The following RNF145 variants were observed in gnomAD, a reference collection of about 807,000 sequenced individuals.
The protein encoded by RNF145 is ring finger protein 145.
RNF145 carries 12 observed loss-of-function variants against 57.3 expected under a neutral mutation model. The ratio of observed to expected loss-of-function variants is 0.21; its 90% confidence interval spans 0.13 to 0.34. RNF145 has a LOEUF of 0.34. Ranked by LOEUF, RNF145 falls within the 10% of genes least tolerant of loss-of-function variation. The pLI, the probability that RNF145 is intolerant of heterozygous loss-of-function variation, is 1.00. For synonymous variants in RNF145, 262 were observed against 288.3 expected, an observed-to-expected ratio of 0.91 and a Z score of 0.92; for missense variants, 429 against 799.0, an observed-to-expected ratio of 0.54 and a Z score of 5.58.
chr5:159,188,295 G>A (rs1380178740), intron 3 of RNF145, among the ~76,000 whole-genome samples: 6 of 151,952 alleles, frequency 3.9e-5, no homozygotes, highest in African/African-American at 1.2e-4. Context: ...GCTGAGGCAG[G>A]AGAATGGCGT....
In RNF145 at chr5:159,157,816, A is replaced by G. The variant is rs1784090263; in HGVS notation, c.*854T>C. 1 of 152,788 alleles carries G rather than the reference A, an allele frequency of 6.5e-6. No individual in the cohort carries two copies. Among genetic ancestry groups the G allele is most frequent in the African/African-American group, 2.4e-5 (1 of 41,454 alleles). The allele number at this position is 152,788 out of a possible 1,614,324, so 9.5% of individuals were successfully genotyped here. On this transcript the variant is annotated 3_prime_UTR_variant, in exon 11 of 11. Transcript: ENST00000424310. The stretch of plus-strand genomic sequence containing the variant: ...CAGTTGCAAGAATTAAACATTACAC[A>G]GGATTGAAAAGTACACCCAGGGCCT...
Position 159,158,897 on chromosome 5 carries a change from T to C in RNF145, c.1765A>G (p.Thr589Ala). 2.5e-6 allele frequency: 4 copies of C among 1,613,966 alleles called. No individual in the cohort carries two copies. Among genetic ancestry groups the C allele is most frequent in the Non-Finnish European group, 2.5e-6 (3 of 1,179,872 alleles). ...KNSSQLPGLG[T>A]EPVLQPHAGA... ...GCATGAGGCTGTAGAACTGGCTCAGTTCCTAATCCTGGAAGCTGGGAGGAG... is the reference window on the plus strand; with the variant it reads ...GCATGAGGCTGTAGAACTGGCTCAGCTCCTAATCCTGGAAGCTGGGAGGAG... Residue 589 changes from threonine to alanine, a missense_variant, in exon 11 of 11, where the codon ACT becomes GCT. Physicochemically the swap from Thr to Ala is moderately conservative, Grantham distance 58. Transcript: ENST00000424310.
At position 159,182,021 on chromosome 5, in the gene RNF145, G is replaced by C. The variant is rs763357399; in HGVS notation, c.324C>G (p.Ala108=). Residue 108 remains alanine (A), a synonymous_variant, in exon 4 of 11, where the codon GCC becomes GCG. Coordinates refer to ENST00000424310, the MANE Select transcript of RNF145 (RefSeq NM_001199383.2). ...GTTCTAAATACATTGGTCCCTCATA[G>C]GCAAACTCCAGTTCACTCCGAACAT... The part of the protein sequence containing the change: ...RDYVRSELEF[A]YEGPMYLEPL... The C allele has an allele frequency of 3.7e-6, 6 of 1,608,846 alleles. No homozygotes were observed. In the African/African-American group the frequency reaches 8.0e-5, roughly 22 times the overall value.
chr5:159,202,626 A>G (rs1562077041), intron 2 of RNF145, among the ~76,000 whole-genome samples: 1 of 152,174 alleles, frequency 6.6e-6, no homozygotes, highest in Non-Finnish European at 1.5e-5. Flanking sequence ...TTTATAAAAG[A>G]TATATTTTGT....
Position 159,158,803 on chromosome 5 carries a change from G to A in RNF145, c.1859C>T (p.Thr620Ile), listed in dbSNP as rs557109449. Residue 620 changes from threonine (T) to isoleucine (I), a missense_variant, in exon 11 of 11, where the codon ACC becomes ATC. Physicochemically the swap from Thr to Ile is moderately conservative, Grantham distance 89 (BLOSUM62 -1). This residue lies in a region of RNF145 where 102 missense variants were observed against 106.2 expected (regional missense o/e 0.96). Coordinates refer to ENST00000424310, the MANE Select transcript of RNF145 (RefSeq NM_001199383.2). ...EPPGQEHTPG[T>I]RIQEGSRDNN... ...GTCCCTGGAACCTTCCTGTATCCTGGTCCCTGGAGTATGCTCCTGGCCTGG... is the reference window on the plus strand; with the variant it reads ...GTCCCTGGAACCTTCCTGTATCCTGATCCCTGGAGTATGCTCCTGGCCTGG... 11 of 1,613,882 alleles carry A rather than the reference G, an allele frequency of 6.8e-6. No individual in the cohort carries two copies. In the East Asian group the frequency reaches 2.5e-4, roughly 36 times the overall value.
intron 4 of RNF145, among the ~76,000 whole-genome samples, chr5:159,177,491 C>G (rs1408061016): frequency 6.6e-6 from 1 of 151,970 alleles, no homozygotes; most frequent in Non-Finnish European, 1.5e-5. Flanking sequence ...CTTATAATCC[C>G]ACAACCCAAA....
At chr5:159,180,204 T>C (rs1784844608) in intron 4 of RNF145, among the ~76,000 whole-genome samples, 1 of 152,102 alleles carries the variant, frequency 6.6e-6, no homozygotes. Context: ...CTAAAACTGA[T>C]TTATTTTCCC....
chr5:159,159,088 T>C, intron 10 of RNF145, 53 bp from the exon 11 acceptor site: 1 of 1,521,606 alleles, frequency 6.6e-7, no homozygotes, highest in Non-Finnish European at 8.9e-7. Context: ...CTAGTATCTT[T>C]GGTGCTATCC....
chr5:159,184,485 C>T (rs1223233896), intron 3 of RNF145, among the ~76,000 whole-genome samples: 3 of 152,168 alleles, frequency 2.0e-5, no homozygotes, highest in Non-Finnish European at 4.4e-5. Flanking sequence ...GAGATAAATA[C>T]TTAGTCCTAT....
chr5:159,158,755 C>T lies in RNF145; in HGVS notation c.1907G>A (p.Arg636Gln), dbSNP rs151308498. ...AAAAGCCCCTTCCTGGTTATCTGGT[C>T]GTCTGGCAATGTACTCATTATTGTC... ...SRDNNEYIAR[R>Q]PDNQEGAFDP... The change falls in exon 11 of 11, where the codon CGA becomes CAA. Residue 636 changes from arginine (R) to glutamine (Q), a missense_variant. Coordinates refer to ENST00000424310, the MANE Select transcript of RNF145 (RefSeq NM_001199383.2). 7.6e-5 allele frequency: 122 copies of T among 1,613,924 alleles called. No individual in the cohort carries two copies. The highest frequency in any genetic ancestry group is 6.1e-4 in the South Asian group (56 of 91,060).
At chr5:159,159,470 T>C (rs1035530068) in intron 10 of RNF145, among the ~76,000 whole-genome samples, 2 of 152,242 alleles carry the variant, frequency 1.3e-5, no homozygotes, top group Admixed American at 1.3e-4. Context: ...ATGAAATTAT[T>C]GGCAAAGAGA....
chr5:159,161,891 T>C (rs952067356), intron 9 of RNF145, among the ~76,000 whole-genome samples: 1 of 152,232 alleles, frequency 6.6e-6, no homozygotes, highest in Admixed American at 6.5e-5. Flanking sequence ...AAAATGATTC[T>C]GATGAGTAAT....
At position 159,161,231 on chromosome 5, in the gene RNF145, G is replaced by T; in HGVS notation, c.1626+35C>A. 2.2e-6 allele frequency: 3 copies of T among 1,388,522 alleles called. No homozygotes were observed. The South Asian group carries it at 3.8e-5, about 17-fold the overall frequency. 86.0% of individuals were successfully genotyped at this position (1,388,522 alleles called of 1,614,324 possible). On this transcript the variant is annotated intron_variant, in intron 10 of 10. Coordinates refer to ENST00000424310, the MANE Select transcript of RNF145 (RefSeq NM_001199383.2). Reference sequence around the variant, plus strand: ...TACAGTCCCAAGGGATACACTGTATGACTTACCCAAACACATTCTTATTGA... The same window carrying T: ...TACAGTCCCAAGGGATACACTGTATTACTTACCCAAACACATTCTTATTGA...
intron 2 of RNF145, among the ~76,000 whole-genome samples, chr5:159,196,211 T>C (rs1785454433): frequency 6.7e-6 from 1 of 148,328 alleles, no homozygotes; most frequent in African/African-American, 2.5e-5. Flanking sequence ...ATTCATAAAC[T>C]TTCTTAAAAT....
intron 7 of RNF145, 136 bp from the exon 8 acceptor site, chr5:159,169,191 T>C (rs1196519976): frequency 6.3e-6 from 4 of 630,060 alleles, no homozygotes; most frequent in African/African-American, 1.9e-5. Context: ...ACTAAAAACC[T>C]GATCAGTATA....
chr5:159,179,431 T>C (rs1304090036), intron 4 of RNF145, among the ~76,000 whole-genome samples: 1 of 152,112 alleles, frequency 6.6e-6, no homozygotes, highest in African/African-American at 2.4e-5. Context: ...TAAGAAATCA[T>C]GGCATATTAA....
Position 159,158,527 on chromosome 5 carries a change from G to C in RNF145, c.*143C>G, listed in dbSNP as rs1784112020. The C allele has an allele frequency of 1.7e-5, 18 of 1,066,680 alleles. No individual in the cohort carries two copies. The highest frequency in any genetic ancestry group is 2.1e-5 in the Non-Finnish European group (16 of 745,006). The allele number at this position is 1,066,680 out of a possible 1,614,324, so 66.1% of individuals were successfully genotyped here. A position where few individuals can be genotyped will look rare whatever the true frequency, so the allele number is the denominator to read the frequency against. On this transcript the variant is annotated 3_prime_UTR_variant, in exon 11 of 11. Coordinates refer to ENST00000424310, the MANE Select transcript of RNF145 (RefSeq NM_001199383.2). ...GGGATGAAAGCAGGTGGTCCCCACT[G>C]AGAGTACTTCCTGGATTAGATCCTT...
rs367687089 is a variant in RNF145, at chr5:159,179,996, T to C, written c.385+1964A>G. ...CCTTTATGCTTTAAGATAGAAAACCTGCAAGTGGGAGAGAAGGTGGGGAGG... is the reference window on the plus strand; with the variant it reads ...CCTTTATGCTTTAAGATAGAAAACCCGCAAGTGGGAGAGAAGGTGGGGAGG... On this transcript the variant is annotated intron_variant, in intron 4 of 10. Transcript: ENST00000424310. Among the ~76,000 whole-genome samples, 11 of 152,222 alleles carry C rather than the reference T, an allele frequency of 7.2e-5. No individual in the cohort carries two copies. In the East Asian group the frequency reaches 1.2e-3, roughly 16 times the overall value.
chr5:159,168,861 G>C lies in RNF145; in HGVS notation c.1121+12C>G. 6.8e-7 allele frequency: 1 copy of C among 1,474,612 alleles called. No homozygotes were observed. Among genetic ancestry groups the C allele is most frequent in the Non-Finnish European group, 9.0e-7 (1 of 1,106,782 alleles). The allele number at this position is 1,474,612 out of a possible 1,614,324, so 91.3% of individuals were successfully genotyped here. A position where few individuals can be genotyped will look rare whatever the true frequency, so the allele number is the denominator to read the frequency against. Reference sequence around the variant, plus strand: ...CATGAGTTAATTTAAAGAATATTAAGAGGTTTCTTACTTGTCTCTAGATGC... The same window carrying C: ...CATGAGTTAATTTAAAGAATATTAACAGGTTTCTTACTTGTCTCTAGATGC... On this transcript the variant is annotated intron_variant, in intron 8 of 10. Coordinates refer to ENST00000424310, the MANE Select transcript of RNF145 (RefSeq NM_001199383.2).
Sources: gnomAD v4.1 joint callset for allele counts (sites outside exome capture counted in the v4.1 genomes callset) on GRCh38, gnomAD v4.1.1 for gene constraint, gnomAD v4.1.1 regional missense constraint, MANE v1.5 for transcripts, NCBI Gene and HGNC (gene_info 2026-07-23, HGNC 2026-07-21) for gene names.